The following GUCY1A2 variants were observed in gnomAD, a reference collection of about 807,000 sequenced individuals.
The protein encoded by GUCY1A2 is guanylate cyclase soluble subunit alpha-2.
GUCY1A2 carries 27 observed loss-of-function variants against 63.5 expected under a neutral mutation model. The observed-to-expected ratio is 0.43, with a 90% CI of 0.31 to 0.59. The LOEUF (loss-of-function observed/expected upper bound fraction) is 0.59. Ranked by LOEUF, GUCY1A2 falls within the 20% of genes least tolerant of loss-of-function variation. GUCY1A2 has a pLI of 0.11. For synonymous variants in GUCY1A2, 364 were observed against 343.5 expected, an observed-to-expected ratio of 1.06 and a Z score of -0.66; for missense variants, 768 against 913.3, an observed-to-expected ratio of 0.84 and a Z score of 2.05.
chr11:106,924,527 T>C (rs755120900), intron 4 of GUCY1A2, among the ~76,000 whole-genome samples: 1 of 152,198 alleles, frequency 6.6e-6, no homozygotes, highest in African/African-American at 2.4e-5. Context: ...TTGGGTCCAA[T>C]ATTGTCCTTG....
intron 4 of GUCY1A2, among the ~76,000 whole-genome samples, chr11:106,871,107 G>C (rs1859671152): frequency 6.6e-6 from 1 of 152,092 alleles, no homozygotes; most frequent in Non-Finnish European, 1.5e-5. Flanking sequence ...TGGAGTAAGT[G>C]AGCATCTGAC....
intron 3 of GUCY1A2, among the ~76,000 whole-genome samples, chr11:106,955,959 AT>A (rs1252858001): frequency 1.3e-4 from 20 of 151,886 alleles, no homozygotes; most frequent in African/African-American, 3.9e-4. Context: ...CTGTCCTTTT[AT>A]CAAGTCCCAT....
rs1279853187 is a variant in GUCY1A2 at position 106,863,720 on chromosome 11, T to G, written c.1207-53242A>C. Among the ~76,000 whole-genome samples the G allele has an allele frequency of 2.0e-5, 3 of 152,146 alleles. No homozygotes were observed. In the East Asian group the frequency reaches 5.8e-4, roughly 29 times the overall value. On this transcript the variant is annotated intron_variant, in intron 4 of 7. Coordinates refer to ENST00000526355, the MANE Select transcript of GUCY1A2 (RefSeq NM_000855.3). ...GGATAGCATTGAGTCTATAATTACTTTGGGCAGTATGGCCATTTTCATGAT... is the reference window on the plus strand; with the variant it reads ...GGATAGCATTGAGTCTATAATTACTGTGGGCAGTATGGCCATTTTCATGAT...
At chr11:106,941,277 G>T (rs1045642413) in intron 3 of GUCY1A2, among the ~76,000 whole-genome samples, 1 of 152,078 alleles carries the variant, frequency 6.6e-6, no homozygotes, top group Non-Finnish European at 1.5e-5. Flanking sequence ...ATATTACAAT[G>T]AAAAATAAAT....
intron 6 of GUCY1A2, among the ~76,000 whole-genome samples, chr11:106,767,709 G>A (rs1864187614): frequency 1.3e-5 from 2 of 151,884 alleles, no homozygotes. Flanking sequence ...AGGTATTAAG[G>A]ATGCTCTGTC....
intron 3 of GUCY1A2, among the ~76,000 whole-genome samples, chr11:106,952,342 T>C (rs1267758490): frequency 1.3e-5 from 2 of 152,260 alleles, no homozygotes; most frequent in East Asian, 3.8e-4. Flanking sequence ...ATGGCTATTT[T>C]CACGATATTG....
intron 6 of GUCY1A2, among the ~76,000 whole-genome samples, chr11:106,721,066 T>A (rs920647843): frequency 1.0e-4 from 3 of 29,220 alleles, no homozygotes; most frequent in Admixed American, 2.9e-4. Flanking sequence ...TATTTGCAAA[T>A]TTTTTTTTTT....
In GUCY1A2 at chr11:106,674,813, A is replaced by T. The variant is rs1862318460; in HGVS notation, c.*12736T>A. On this transcript the variant is annotated 3_prime_UTR_variant, in exon 8 of 8. Transcript: ENST00000526355. The stretch of plus-strand genomic sequence containing the variant: ...GCAAACAAATTAGCCAAAATGTTAA[A>T]ATAATTCAGGTTAAATGAAAACCAC... The T allele has an allele frequency of 4.7e-6, 1 of 215,014 alleles. No homozygotes were observed. Among genetic ancestry groups the T allele is most frequent in the Non-Finnish European group, 9.4e-6 (1 of 106,476 alleles). 13.3% of individuals were successfully genotyped at this position (215,014 alleles called of 1,614,324 possible). A position where few individuals can be genotyped will look rare whatever the true frequency, so the allele number is the denominator to read the frequency against.
chr11:106,770,450 T>C (rs1864236995), intron 6 of GUCY1A2, among the ~76,000 whole-genome samples: 1 of 152,138 alleles, frequency 6.6e-6, no homozygotes, highest in African/African-American at 2.4e-5. Flanking sequence ...TAATTAGTTT[T>C]TCTTTTTTCT....
chr11:107,010,548 G>A (rs894911695), intron 1 of GUCY1A2, among the ~76,000 whole-genome samples: 2 of 152,104 alleles, frequency 1.3e-5, no homozygotes, highest in African/African-American at 4.8e-5. Context: ...GCTTTAAATA[G>A]CAGGTGTAAG....
In GUCY1A2 at chr11:106,856,265, G is replaced by C. The variant is rs7946092; in HGVS notation, c.1207-45787C>G. On this transcript the variant is annotated intron_variant, in intron 4 of 7. Transcript: ENST00000526355. ...AGATCATGCCACTGCACTGCAGCCT[G>C]GGCGACAGAACAAGACTCCATCTCA... is the stretch of plus-strand genomic sequence containing the variant. 2.6e-3 allele frequency among the ~76,000 whole-genome samples: 402 copies of C among 152,126 alleles called. 1 individual carries two copies. The highest frequency in any genetic ancestry group is 9.3e-3 in the African/African-American group (385 of 41,506).
intron 1 of GUCY1A2, among the ~76,000 whole-genome samples, chr11:107,000,296 CAAT>C: frequency 6.6e-6 from 1 of 152,264 alleles, no homozygotes; most frequent in Non-Finnish European, 1.5e-5. Context: ...CAGGTGGAAA[CAAT>C]AAATCTCTCT....
At chr11:106,851,518 G>GT (rs1273195185) in intron 4 of GUCY1A2, among the ~76,000 whole-genome samples, 1 of 151,770 alleles carries the variant, frequency 6.6e-6, no homozygotes, top group African/African-American at 2.4e-5. Flanking sequence ...TCTTGAGTTG[G>GT]TTTCTGTCTA....
chr11:106,717,595 T>A (rs1591245601), intron 6 of GUCY1A2, among the ~76,000 whole-genome samples: 1 of 152,194 alleles, frequency 6.6e-6, no homozygotes, highest in East Asian at 1.9e-4. Context: ...AGTCTTTTAG[T>A]AGAAAAAGCC....
In GUCY1A2 at chr11:106,970,166, A is replaced by G. The variant is rs559570273; in HGVS notation, c.487+8453T>C. Among the ~76,000 whole-genome samples, 144 of 152,304 alleles carry G rather than the reference A, an allele frequency of 9.5e-4. 3 individuals are homozygous for G. In the South Asian group the frequency reaches 0.028, roughly 30 times the overall value. ...GGGTTAGGAGAGCATAACGATATTAACAAAGACCATTTGTGGACATCTTAT... is the reference window on the plus strand; with the variant it reads ...GGGTTAGGAGAGCATAACGATATTAGCAAAGACCATTTGTGGACATCTTAT... On this transcript the variant is annotated intron_variant, in intron 3 of 7. Transcript: ENST00000526355.
intron 7 of GUCY1A2, among the ~76,000 whole-genome samples, chr11:106,702,628 A>T (rs1394393162): frequency 6.6e-6 from 1 of 151,898 alleles, no homozygotes; most frequent in Admixed American, 6.6e-5. Flanking sequence ...CCCAGTAAAA[A>T]TCCTTTACAG....
chr11:106,860,254 A>G (rs961137714), intron 4 of GUCY1A2, among the ~76,000 whole-genome samples: 3 of 151,530 alleles, frequency 2.0e-5, no homozygotes, highest in Admixed American at 6.6e-5. Context: ...TCTCAAAACT[A>G]AGAGTAATAG....
chr11:107,010,518 C>T (rs929279280), intron 1 of GUCY1A2, among the ~76,000 whole-genome samples: 6 of 152,110 alleles, frequency 3.9e-5, no homozygotes, highest in South Asian at 2.1e-4. Flanking sequence ...TTTTGTAAAA[C>T]GACTTCCTTC....
intron 5 of GUCY1A2, among the ~76,000 whole-genome samples, chr11:106,806,789 A>G (rs1400962650): frequency 6.6e-6 from 1 of 152,238 alleles, no homozygotes; most frequent in Non-Finnish European, 1.5e-5. Context: ...ATATATGCAC[A>G]GCAAAATCCA....
Sources: allele counts gnomAD v4.1 joint callset (sites outside exome capture counted in the v4.1 genomes callset), GRCh38; gene constraint gnomAD v4.1.1; transcripts MANE v1.5; gene names NCBI Gene and HGNC (gene_info 2026-07-23, HGNC 2026-07-21).